Variants in GLRA3 observed in about 807,000 individuals in gnomAD.
The protein encoded by GLRA3 is glycine receptor subunit alpha-3.
In GLRA3, 44 loss-of-function variants were observed where a neutral mutation model predicts 60.4. The ratio of observed to expected loss-of-function variants is 0.73; its 90% CI spans 0.57 to 0.94. GLRA3 has a LOEUF of 0.94. Ranked by LOEUF, GLRA3 falls within the 40% of genes least tolerant of loss-of-function variation. GLRA3 has a pLI of 0.00. For missense variants in GLRA3, 508 were observed against 564.6 expected (o/e 0.90, Z 1.02); for synonymous variants, 223 against 192.9 (o/e 1.16, Z -1.29).
At position 174,723,839 on chromosome 4, in the gene GLRA3, T is replaced by C. The variant is rs191729095; in HGVS notation, c.491+4636A>G. Among the ~76,000 whole-genome samples, 132 of 152,048 alleles carry C rather than the reference T, an allele frequency of 8.7e-4. No individual in the cohort carries two copies. In the Middle Eastern group the frequency reaches 0.017, roughly 20 times the overall value. ...TGTTAAGAGACTTTATAACTTAAAA[T>C]ATATGTGTTTAATTCATAAGTGATA... On this transcript the variant is annotated intron_variant, in intron 4 of 9. Transcript: ENST00000274093.
In GLRA3 at chr4:174,718,959, C is replaced by CTTTTTT. The variant is rs10656765; in HGVS notation, c.492-3395_492-3390dup. Among the ~76,000 whole-genome samples, 201 of 81,078 alleles carry CTTTTTT rather than the reference C, an allele frequency of 2.5e-3. 5 individuals carry two copies. Among genetic ancestry groups the CTTTTTT allele is most frequent in the Non-Finnish European group, 3.0e-3 (137 of 45,832 alleles). The allele number at this position is 81,078 out of a possible 152,430, so 53.2% of individuals were successfully genotyped here. Reference sequence around the variant, plus strand: ...TGGGGTTCTAGTTCTAGATTTCGTGCTTTTTTTTTTTTTTTTTTTTTTTGA... The same window carrying CTTTTTT: ...TGGGGTTCTAGTTCTAGATTTCGTGCTTTTTTTTTTTTTTTTTTTTTTTTTTTTTGA... On this transcript the variant is annotated intron_variant, in intron 4 of 9. Transcript: ENST00000274093.
intron 1 of GLRA3, among the ~76,000 whole-genome samples, chr4:174,814,764 C>T (rs1269139154): frequency 2.6e-5 from 4 of 152,058 alleles, no homozygotes; most frequent in Admixed American, 1.3e-4. Context: ...AAGACCTGCC[C>T]CCATGATTCA....
At chr4:174,716,300 G>T (rs1446297329) in intron 4 of GLRA3, among the ~76,000 whole-genome samples, 1 of 152,200 alleles carries the variant, frequency 6.6e-6, no homozygotes, top group East Asian at 1.9e-4. Context: ...TTCTGATTTG[G>T]CTTCACACAA....
chr4:174,668,550 C>A (rs1733769846), intron 7 of GLRA3, among the ~76,000 whole-genome samples: 1 of 152,068 alleles, frequency 6.6e-6, no homozygotes, highest in Non-Finnish European at 1.5e-5. Context: ...TTATAGACAA[C>A]AATATATTAA....
intron 5 of GLRA3, among the ~76,000 whole-genome samples, chr4:174,715,167 G>A (rs1216273598): frequency 1.3e-5 from 2 of 152,162 alleles, no homozygotes; most frequent in African/African-American, 2.4e-5. Context: ...TCGTTGAGAA[G>A]AGGCTCCCAA....
chr4:174,770,772 T>C (rs1357408906), intron 2 of GLRA3, among the ~76,000 whole-genome samples: 5 of 152,072 alleles, frequency 3.3e-5, no homozygotes, highest in Admixed American at 1.3e-4. Flanking sequence ...TTCTGAACAT[T>C]TACAAATTTC....
chr4:174,772,150 T>A (rs1161192729), intron 2 of GLRA3, among the ~76,000 whole-genome samples: 1 of 152,104 alleles, frequency 6.6e-6, no homozygotes, highest in Non-Finnish European at 1.5e-5. Context: ...ATACAGAAAA[T>A]AACATCATTT....
chr4:174,780,384 A>G (rs1215657267), intron 2 of GLRA3, among the ~76,000 whole-genome samples: 1 of 151,876 alleles, frequency 6.6e-6, no homozygotes, highest in African/African-American at 2.4e-5. Context: ...GACCATCGAG[A>G]CTAGGAAGAA....
intron 2 of GLRA3, among the ~76,000 whole-genome samples, chr4:174,772,955 G>A (rs774158392): frequency 7.9e-5 from 12 of 152,236 alleles, no homozygotes; most frequent in South Asian, 2.1e-4. Flanking sequence ...CTACCCCTTC[G>A]GTTTCTGGTG....
At chr4:174,809,954 A>G (rs2111366158) in intron 1 of GLRA3, among the ~76,000 whole-genome samples, 1 of 152,268 alleles carries the variant, frequency 6.6e-6, no homozygotes, top group East Asian at 1.9e-4. Flanking sequence ...AATTTTATAA[A>G]TAAGACAAAA....
chr4:174,687,930 T>C (rs1457729771), intron 5 of GLRA3, among the ~76,000 whole-genome samples: 2 of 152,064 alleles, frequency 1.3e-5, no homozygotes, highest in Non-Finnish European at 2.9e-5. Context: ...ATTGATATGG[T>C]TTCCAATTCC....
chr4:174,665,563 G>A (rs1023371336), intron 7 of GLRA3, among the ~76,000 whole-genome samples: 1 of 152,128 alleles, frequency 6.6e-6, no homozygotes, highest in African/African-American at 2.4e-5. Context: ...TTAGAAGGAT[G>A]CAAAAATTAG....
chr4:174,687,857 A>G (rs533705088), intron 5 of GLRA3, among the ~76,000 whole-genome samples: 1 of 152,314 alleles, frequency 6.6e-6, no homozygotes, highest in East Asian at 1.9e-4. Context: ...AGCATACATG[A>G]AAGACCCATT....
Position 174,828,859 on chromosome 4 carries a change from T to C in GLRA3, c.-48A>G, listed in dbSNP as rs1741088867. On this transcript the variant is annotated 5_prime_UTR_variant, in exon 1 of 10. The change abolishes an upstream ATG in the 5' untranslated region. Transcript: ENST00000274093. ...CCTGAAAATAGTCTTATCCAAGGCA[T>C]GGGGAACCAGAAAGACAGAATGAAA... 8.2e-7 allele frequency: 1 copy of C among 1,213,020 alleles called. No individual in the cohort carries two copies. Among genetic ancestry groups the C allele is most frequent in the Non-Finnish European group, 1.2e-6 (1 of 813,648 alleles). 75.1% of individuals were successfully genotyped at this position (1,213,020 alleles called of 1,614,324 possible).
intron 5 of GLRA3, among the ~76,000 whole-genome samples, chr4:174,691,152 T>C (rs75794501): frequency 0.014 from 2,185 of 152,322 alleles, 53 homozygotes; most frequent in African/African-American, 0.049. Flanking sequence ...ATAAGTGTTC[T>C]TTTATCTCTG....
rs201877604 is a variant in GLRA3, at chr4:174,822,959, A to G, written c.71+5782T>C. The stretch of plus-strand genomic sequence containing the variant: ...CATTATGATGGAGCTGCATTGTTTT[A>G]CCACTGTTTCCTCTTCTGATAACAT... On this transcript the variant is annotated intron_variant, in intron 1 of 9. Coordinates refer to ENST00000274093, the MANE Select transcript of GLRA3 (RefSeq NM_006529.4). Among the ~76,000 whole-genome samples, 13 of 152,206 alleles carry G rather than the reference A, an allele frequency of 8.5e-5. No homozygotes were observed. In the East Asian group the frequency reaches 9.6e-4, roughly 11 times the overall value.
chr4:174,799,597 ACAACTTTTAAGAATT>A (rs1364317641), intron 1 of GLRA3, among the ~76,000 whole-genome samples: 1 of 152,242 alleles, frequency 6.6e-6, no homozygotes, highest in East Asian at 1.9e-4. Context: ...TCAAAGAATT[ACAACTTTTAAGAATT>A]CAACTTTAGT....
intron 5 of GLRA3, among the ~76,000 whole-genome samples, chr4:174,710,420 A>C (rs1021859839): frequency 1.4e-4 from 21 of 152,148 alleles, no homozygotes; most frequent in Non-Finnish European, 2.4e-4. Flanking sequence ...GATTAATGTA[A>C]ACAAAGCTAA....
chr4:174,680,961 T>C (rs1413779513), intron 6 of GLRA3, among the ~76,000 whole-genome samples: 2 of 152,174 alleles, frequency 1.3e-5, no homozygotes, highest in African/African-American at 2.4e-5. Flanking sequence ...TCTTGTGTAA[T>C]GTAAAAGCAA....
Sources: allele counts gnomAD v4.1 joint callset (sites outside exome capture counted in the v4.1 genomes callset), GRCh38; gene constraint gnomAD v4.1.1; transcripts MANE v1.5; gene names NCBI Gene and HGNC (gene_info 2026-07-23, HGNC 2026-07-21).